VPS37A: variants seen among roughly 807,000 people sequenced by gnomAD.
VPS37A encodes the protein vacuolar protein sorting-associated protein 37A.
A neutral mutation model predicts 49.8 loss-of-function variants in VPS37A; 30 were observed. The observed-to-expected ratio is 0.60, with a 90% CI of 0.45 to 0.82. The LOEUF is 0.82. Ranked by LOEUF, VPS37A falls within the 40% of genes least tolerant of loss-of-function variation. The probability of loss-of-function intolerance (pLI) is 0.00; values close to 1 mark genes in which losing one functional copy is unlikely to be tolerated. For missense variants in VPS37A, 593 were observed against 464.4 expected (o/e 1.28, Z -2.55); for synonymous variants, 195 against 160.6 (o/e 1.21, Z -1.62).
In VPS37A at chr8:17,247,130, C is replaced by G. The variant is rs984162518; in HGVS notation, c.-115C>G. The G allele has an allele frequency of 1.4e-6, 2 of 1,423,004 alleles. No homozygotes were observed. The highest frequency in any genetic ancestry group is 1.9e-6 in the Non-Finnish European group (2 of 1,047,364). 88.1% of individuals were successfully genotyped at this position (1,423,004 alleles called of 1,614,324 possible). ...CTTAGAGAAGACGCGGTCCCCAGCG[C>G]TTGGGCCACGGACGTCCCACCCCGC... On this transcript the variant is annotated 5_prime_UTR_variant, in exon 1 of 12. Coordinates refer to ENST00000324849, the MANE Select transcript of VPS37A (RefSeq NM_152415.3).
chr8:17,325,879 A>G, the VPS37A span, among the ~76,000 whole-genome samples: 55 of 152,310 alleles, frequency 3.6e-4, 1 homozygote, highest in Admixed American at 3.6e-3. Context: ...ATTCACCTAC[A>G]GCCCATCAAC....
At chr8:17,262,972 A>G (rs1343354180) in intron 1 of VPS37A, among the ~76,000 whole-genome samples, 5 of 151,846 alleles carry the variant, frequency 3.3e-5, no homozygotes. Flanking sequence ...GAGGCAGGAG[A>G]ATCGGTTGAA....
At chr8:17,263,437 G>A (rs1269636006) in intron 1 of VPS37A, among the ~76,000 whole-genome samples, 2 of 152,048 alleles carry the variant, frequency 1.3e-5, no homozygotes, top group Non-Finnish European at 2.9e-5. Context: ...TGATTAACTT[G>A]TTTTGGAATT....
intron 9 of VPS37A, 111 bp downstream of exon 9, chr8:17,280,554 C>G: frequency 1.0e-6 from 1 of 954,578 alleles, no homozygotes; most frequent in Non-Finnish European, 1.5e-6. Flanking sequence ...AGGTATCTGA[C>G]CTTATAAGAC....
At chr8:17,326,222 G>A in the VPS37A span, 1 of 152,154 alleles carries the variant, frequency 6.6e-6, no homozygotes, top group South Asian at 2.1e-4. Context: ...GGTAAAAATG[G>A]TGGTTCTACC....
At chr8:17,274,217 A>G (rs1814283141) in intron 4 of VPS37A, among the ~76,000 whole-genome samples, 1 of 152,256 alleles carries the variant, frequency 6.6e-6, no homozygotes, top group Non-Finnish European at 1.5e-5. Flanking sequence ...GTGTTTATAT[A>G]TGCATCTGTT....
At chr8:17,332,288 TTTAAAG>T in the VPS37A span, among the ~76,000 whole-genome samples, 3 of 152,112 alleles carry the variant, frequency 2.0e-5, no homozygotes, top group African/African-American at 7.2e-5. Context: ...AAGAGCTAAG[TTTAAAG>T]TTAAAGACAC....
chr8:17,266,527 G>A (rs1239060367), intron 2 of VPS37A, among the ~76,000 whole-genome samples: 1 of 152,188 alleles, frequency 6.6e-6, no homozygotes, highest in Non-Finnish European at 1.5e-5. Flanking sequence ...AGCCTTAAAT[G>A]CAGCTATGAG....
chr8:17,306,688 G>C (rs1217343088), downstream of VPS37A, among the ~76,000 whole-genome samples: 1 of 152,160 alleles, frequency 6.6e-6, no homozygotes, highest in Non-Finnish European at 1.5e-5. Context: ...GTTAGTAAGA[G>C]ATCATCACCT....
chr8:17,264,683 G>C (rs1046954289), intron 1 of VPS37A, among the ~76,000 whole-genome samples: 9 of 152,156 alleles, frequency 5.9e-5, no homozygotes, highest in African/African-American at 2.2e-4. Flanking sequence ...GTTAGAAGAA[G>C]CATCCAAAAG....
Position 17,247,227 on chromosome 8 carries a change from C to A in VPS37A, c.-18C>A. The A allele has an allele frequency of 6.4e-7, 1 of 1,564,532 alleles. No individual in the cohort carries two copies. The highest frequency in any genetic ancestry group is 1.4e-5 in the African/African-American group (1 of 73,712). ...GGCCAGAGCCTTCCAGGGCCTCCGG[C>A]CCGTGGACCCGAGGAGGATGAGCTG... On this transcript the variant is annotated 5_prime_UTR_variant, in exon 1 of 12. Transcript: ENST00000324849.
intron 4 of VPS37A, among the ~76,000 whole-genome samples, chr8:17,269,371 G>T (rs1813774246): frequency 6.6e-6 from 1 of 152,036 alleles, no homozygotes; most frequent in African/African-American, 2.4e-5. Flanking sequence ...ATGTTACCAT[G>T]TTTACATTTC....
At chr8:17,309,170 G>T in the VPS37A span, 2 of 746,670 alleles carry the variant, frequency 2.7e-6, no homozygotes, top group South Asian at 3.3e-5. Flanking sequence ...CTGAATAAGA[G>T]ACACAAACTC....
chr8:17,276,762 A>T (rs1479602289), intron 6 of VPS37A, among the ~76,000 whole-genome samples: 1 of 152,146 alleles, frequency 6.6e-6, no homozygotes. Context: ...ATTTTTGAAT[A>T]CATTATTCCT....
At chr8:17,319,384 T>C in the VPS37A span, among the ~76,000 whole-genome samples, 1 of 152,148 alleles carries the variant, frequency 6.6e-6, no homozygotes, top group Non-Finnish European at 1.5e-5. Context: ...CCAGCAGGGG[T>C]GTCCTGGGAG....
At chr8:17,309,400 G>A in the VPS37A span, 1 of 977,364 alleles carries the variant, frequency 1.0e-6, no homozygotes, top group Non-Finnish European at 1.6e-6. Flanking sequence ...CAATAATGTT[G>A]AGGAATTCAG....
intron 1 of VPS37A, among the ~76,000 whole-genome samples, chr8:17,254,884 G>T (rs1470952998): frequency 1.3e-5 from 2 of 152,006 alleles, no homozygotes; most frequent in Non-Finnish European, 2.9e-5. Context: ...GATTTAGATA[G>T]GATGTTTGTC....
chr8:17,273,548 A>C (rs1047763245), intron 4 of VPS37A, among the ~76,000 whole-genome samples: 2 of 152,110 alleles, frequency 1.3e-5, no homozygotes, highest in South Asian at 2.1e-4. Context: ...TTGTATTTTT[A>C]GTAGAGACGG....
At chr8:17,250,206 G>C (rs1453999969) in intron 1 of VPS37A, among the ~76,000 whole-genome samples, 1 of 152,146 alleles carries the variant, frequency 6.6e-6, no homozygotes, top group Non-Finnish European at 1.5e-5. Context: ...GGTGGTCAGA[G>C]AGAGCTTTAC....
Sources: gnomAD v4.1 joint callset for allele counts (sites outside exome capture counted in the v4.1 genomes callset) on GRCh38, gnomAD v4.1.1 for gene constraint, MANE v1.5 for transcripts, NCBI Gene and HGNC (gene_info 2026-07-23, HGNC 2026-07-21) for gene names.